Variants in SLC8A1 observed in about 807,000 individuals in gnomAD.
SLC8A1 encodes the protein sodium/calcium exchanger 1.
Under a neutral mutation model 68.3 loss-of-function variants are expected in SLC8A1, and 18 were observed. The ratio of observed to expected loss-of-function variants is 0.26; its 90% CI spans 0.18 to 0.39. The LOEUF (loss-of-function observed/expected upper bound fraction) is 0.39. SLC8A1 is among the 10% of genes least tolerant of loss of function. SLC8A1 has a pLI of 1.00. For synonymous variants in SLC8A1, 475 were observed against 415.5 expected (o/e 1.14, Z -1.74); for missense variants, 985 against 1,156.7 (o/e 0.85, Z 2.15).
intron 2 of SLC8A1, among the ~76,000 whole-genome samples, chr2:40,370,556 C>T (rs1677704269): frequency 6.6e-6 from 1 of 152,072 alleles, no homozygotes; most frequent in African/African-American, 2.4e-5. Context: ...AACTGCATTT[C>T]TTAGATATCT....
At chr2:40,343,434 A>T (rs999743007) in intron 2 of SLC8A1, among the ~76,000 whole-genome samples, 2 of 152,164 alleles carry the variant, frequency 1.3e-5, no homozygotes, top group Non-Finnish European at 2.9e-5. Flanking sequence ...CTAACATCCT[A>T]TTATCACTTG....
intron 2 of SLC8A1, among the ~76,000 whole-genome samples, chr2:40,232,316 G>T (rs2059755712): frequency 6.6e-6 from 1 of 152,002 alleles, no homozygotes; most frequent in African/African-American, 2.4e-5. Flanking sequence ...TCATCTTTTG[G>T]TTGGCACATA....
chr2:40,316,217 T>C (rs952668540), intron 2 of SLC8A1, among the ~76,000 whole-genome samples: 3 of 152,062 alleles, frequency 2.0e-5, no homozygotes, highest in African/African-American at 4.8e-5. Context: ...CACACTGATA[T>C]CATTCTGGAC....
chr2:40,177,062 G>A (rs1391477835), intron 3 of SLC8A1, among the ~76,000 whole-genome samples: 2 of 151,766 alleles, frequency 1.3e-5, no homozygotes, highest in Admixed American at 1.3e-4. Context: ...TTTTTTATAT[G>A]TGTTAATAAT....
At chr2:40,494,653 A>ATATT (rs2149928648) in intron 1 of SLC8A1, among the ~76,000 whole-genome samples, 1 of 40,206 alleles carries the variant, frequency 2.5e-5, no homozygotes, top group African/African-American at 5.0e-5. Context: ...ATATATATAT[A>ATATT]TATATATATA....
exon 2 of SLC8A1, chr2:40,428,614 A>G (rs1697502707): frequency 3.1e-6 from 5 of 1,613,742 alleles, no homozygotes; most frequent in Admixed American, 1.7e-5. Context: ...TTTCACCTCC[A>G]TGATGCCAAT....
intron 2 of SLC8A1, among the ~76,000 whole-genome samples, chr2:40,425,261 A>G (rs1437680120): frequency 6.6e-6 from 1 of 151,938 alleles, no homozygotes; most frequent in African/African-American, 2.4e-5. Flanking sequence ...ATTGAAATAA[A>G]TCAACTCATT....
At chr2:40,361,885 T>TC (rs1674728141) in intron 2 of SLC8A1, among the ~76,000 whole-genome samples, 2 of 140,232 alleles carry the variant, frequency 1.4e-5, no homozygotes, top group East Asian at 2.1e-4. Context: ...ATCTTTTCTT[T>TC]CCTTTTTTTT....
At chr2:40,174,792 A>G (rs1553382955) in intron 4 of SLC8A1, 33 bp downstream of exon 5, 2 of 1,605,116 alleles carry the variant, frequency 1.2e-6, no homozygotes, top group Non-Finnish European at 1.7e-6. Context: ...AGACAGTAAA[A>G]GTTAGATAGC....
intron 2 of SLC8A1, among the ~76,000 whole-genome samples, chr2:40,349,106 T>C (rs949559573): frequency 6.6e-6 from 1 of 152,160 alleles, no homozygotes; most frequent in African/African-American, 2.4e-5. Context: ...CTTCAGGGGC[T>C]AACAGGGAAA....
intron 2 of SLC8A1, among the ~76,000 whole-genome samples, chr2:40,360,670 A>C (rs1674339955): frequency 6.6e-6 from 1 of 152,184 alleles, no homozygotes. Context: ...TCACTTGCCC[A>C]AGGTCACATA....
chr2:40,387,708 G>A (rs1427397777), intron 2 of SLC8A1, among the ~76,000 whole-genome samples: 1 of 147,420 alleles, frequency 6.8e-6, no homozygotes, highest in Non-Finnish European at 1.5e-5. Context: ...GAAGCCTAGC[G>A]GGGTGGATCA....
chr2:40,199,469 C>A (rs1381909444), intron 2 of SLC8A1, among the ~76,000 whole-genome samples: 1 of 151,438 alleles, frequency 6.6e-6, no homozygotes, highest in Non-Finnish European at 1.5e-5. Context: ...TGCAGGTGAT[C>A]AAAACTCTGG....
intron 6 of SLC8A1, among the ~76,000 whole-genome samples, chr2:40,152,297 G>A (rs373094861): frequency 2.0e-5 from 3 of 152,146 alleles, no homozygotes; most frequent in East Asian, 3.8e-4. Flanking sequence ...AGTTGTTTAT[G>A]TGCAATGAAT....
intron 2 of SLC8A1, among the ~76,000 whole-genome samples, chr2:40,390,123 G>A (rs955412952): frequency 2.6e-5 from 4 of 152,020 alleles, no homozygotes; most frequent in African/African-American, 9.6e-5. Flanking sequence ...TAGAAAATCT[G>A]GATTACACAA....
intron 2 of SLC8A1, among the ~76,000 whole-genome samples, chr2:40,284,407 TTATA>T (rs1311525496): frequency 2.0e-5 from 3 of 147,028 alleles, no homozygotes; most frequent in Non-Finnish European, 3.0e-5. Flanking sequence ...ACACATATAT[TTATA>T]TAGAGAGATC....
chr2:40,470,959 G>T (rs1424901757), intron 1 of SLC8A1, among the ~76,000 whole-genome samples: 3 of 152,094 alleles, frequency 2.0e-5, no homozygotes, highest in Non-Finnish European at 4.4e-5. Flanking sequence ...AAATCTCATG[G>T]TACAGATTAC....
chr2:40,438,221 A>G (rs1021950187), intron 1 of SLC8A1, among the ~76,000 whole-genome samples: 5 of 152,162 alleles, frequency 3.3e-5, no homozygotes, highest in Non-Finnish European at 7.4e-5. Flanking sequence ...ATTGTTCACC[A>G]CTAACCCTGA....
At chr2:40,370,171 G>A (rs535911154) in intron 2 of SLC8A1, among the ~76,000 whole-genome samples, 10 of 152,272 alleles carry the variant, frequency 6.6e-5, no homozygotes, top group African/African-American at 2.4e-4. Flanking sequence ...TCTCATTTCT[G>A]TACGCTTGTT....
Sources: allele counts gnomAD v4.1 joint callset (sites outside exome capture counted in the v4.1 genomes callset), GRCh38; gene constraint gnomAD v4.1.1; transcripts MANE v1.5; gene names NCBI Gene and HGNC (gene_info 2026-07-23, HGNC 2026-07-21).